The following MAGI2 variants were observed in gnomAD, a reference collection of about 807,000 sequenced individuals.
The protein encoded by MAGI2 is membrane associated guanylate kinase, WW and PDZ domain containing 2.
A neutral mutation model predicts 133.3 loss-of-function variants in MAGI2; 35 were observed. The ratio of observed to expected loss-of-function variants is 0.26; its 90% CI spans 0.20 to 0.35. The LOEUF (loss-of-function observed/expected upper bound fraction) is 0.35. Ranked by LOEUF, MAGI2 falls within the 10% of genes least tolerant of loss-of-function variation. MAGI2 has a pLI of 1.00. For synonymous variants in MAGI2, 729 were observed against 710.6 expected (o/e 1.03, Z -0.41); for missense variants, 1,636 against 1,863.4 (o/e 0.88, Z 2.25).
At position 78,677,365 on chromosome 7, in the gene MAGI2, CAT is replaced by C. The variant is rs555771441; in HGVS notation, c.419-50128_419-50127del. ...ATCTTTTTTCTCTATTTTATAGTAACATAATTTAGATTTACAGAAAACTTTTA... is the reference window on the plus strand; with the variant it reads ...ATCTTTTTTCTCTATTTTATAGTAACAATTTAGATTTACAGAAAACTTTTA... On this transcript the variant is annotated intron_variant, in intron 2 of 21. Transcript: ENST00000354212. 1.3e-3 allele frequency among the ~76,000 whole-genome samples: 196 copies of C among 151,344 alleles called. 2 individuals are homozygous for C. The highest frequency in any genetic ancestry group is 4.5e-3 in the African/African-American group (186 of 41,392).
rs559636451 is a variant in MAGI2 at position 79,237,599 on chromosome 7, C to T, written c.301+215421G>A. 2.0e-5 allele frequency among the ~76,000 whole-genome samples: 3 copies of T among 152,294 alleles called. No homozygotes were observed. The East Asian group carries it at 5.8e-4, about 29-fold the overall frequency. On this transcript the variant is annotated intron_variant, in intron 1 of 21. Coordinates refer to ENST00000354212, the MANE Select transcript of MAGI2 (RefSeq NM_012301.4). ...TATTAATCTCTTTCTCTCTAGGTAT[C>T]TCCCTGTCTCCCGGTCTCTCTCCAT...
chr7:78,803,117 C>A (rs962689955), intron 2 of MAGI2, among the ~76,000 whole-genome samples: 5 of 152,026 alleles, frequency 3.3e-5, no homozygotes, highest in African/African-American at 1.2e-4. Context: ...AGATAATCTT[C>A]AATTTACATG....
intron 2 of MAGI2, among the ~76,000 whole-genome samples, chr7:78,889,081 T>C (rs1796512984): frequency 6.6e-6 from 1 of 152,104 alleles, no homozygotes. Flanking sequence ...ACATGACGAA[T>C]GCACTAGCCT....
At chr7:78,795,547 C>T (rs1411677132) in intron 2 of MAGI2, among the ~76,000 whole-genome samples, 1 of 151,884 alleles carries the variant, frequency 6.6e-6, no homozygotes, top group Non-Finnish European at 1.5e-5. Flanking sequence ...GTCGAGAGGA[C>T]ACACAAAAAA....
chr7:78,338,862 C>T (rs114935598), intron 9 of MAGI2, among the ~76,000 whole-genome samples: 12 of 152,140 alleles, frequency 7.9e-5, no homozygotes, highest in East Asian at 1.9e-4. Context: ...GTTGCTTAGC[C>T]GGGTGTGATG....
chr7:79,305,993 T>A (rs1188008047), intron 1 of MAGI2, among the ~76,000 whole-genome samples: 1 of 151,106 alleles, frequency 6.6e-6, no homozygotes, highest in African/African-American at 2.4e-5. Context: ...TAGTATCTTT[T>A]TTTTTTTTTT....
intron 1 of MAGI2, among the ~76,000 whole-genome samples, chr7:79,107,863 T>C (rs1366359067): frequency 1.3e-5 from 2 of 152,226 alleles, no homozygotes; most frequent in African/African-American, 2.4e-5. Flanking sequence ...TTAGTTATTA[T>C]ATTCTATTAT....
intron 21 of MAGI2, among the ~76,000 whole-genome samples, chr7:78,060,337 A>G (rs540771854): frequency 6.7e-6 from 1 of 149,944 alleles, no homozygotes; most frequent in Admixed American, 6.6e-5. Context: ...AAAAACCTGC[A>G]TTGAAATTTG....
At chr7:78,649,143 T>A (rs1248752304) in intron 2 of MAGI2, among the ~76,000 whole-genome samples, 1 of 145,748 alleles carries the variant, frequency 6.9e-6, no homozygotes, top group Non-Finnish European at 1.5e-5. Context: ...GGCACTTTTT[T>A]ATTTCCCACA....
intron 6 of MAGI2, among the ~76,000 whole-genome samples, chr7:78,391,158 G>A (rs565921250): frequency 1.3e-5 from 2 of 152,136 alleles, no homozygotes; most frequent in Admixed American, 6.5e-5. Context: ...TCTCCACATC[G>A]CTCTTCAGTC....
intron 8 of MAGI2, among the ~76,000 whole-genome samples, chr7:78,345,216 A>C (rs1049021901): frequency 1.3e-5 from 2 of 152,202 alleles, no homozygotes; most frequent in African/African-American, 4.8e-5. Context: ...TATCAAATTA[A>C]TGTTTATAGT....
At position 78,498,818 on chromosome 7, in the gene MAGI2, C is replaced by A. The variant is rs190886610; in HGVS notation, c.965+2759G>T. On this transcript the variant is annotated intron_variant, in intron 5 of 21. Transcript: ENST00000354212. ...CAGTCTATGGAGGAACCTTAGCAGG[C>A]GTCGTAGACTACCTCGATCCTGCCT... Among the ~76,000 whole-genome samples the A allele has an allele frequency of 3.4e-4, 52 of 152,092 alleles. 2 individuals are homozygous for A.
chr7:78,617,648 C>A (rs560995382), intron 3 of MAGI2: 3 of 152,122 alleles, frequency 2.0e-5, no homozygotes, highest in African/African-American at 4.8e-5. Context: ...ACAAATATTA[C>A]TTTATAAATT....
In MAGI2 at chr7:78,022,681, A is replaced by G. The variant is rs1808514929; in HGVS notation, c.3707-2705T>C. Among the ~76,000 whole-genome samples the G allele has an allele frequency of 2.6e-5, 4 of 152,214 alleles. No homozygotes were observed. In the South Asian group the frequency reaches 6.2e-4, roughly 24 times the overall value. ...AGCATTTATTTCTGAACATCTTACT[A>G]CATATCTGGCATTGAACTGGAGAGT... On this transcript the variant is annotated intron_variant, in intron 21 of 21. Coordinates refer to ENST00000354212, the MANE Select transcript of MAGI2 (RefSeq NM_012301.4).
rs150406566 is a variant in MAGI2 at position 78,533,883 on chromosome 7, T to C, written c.539-12238A>G. Reference sequence around the variant, plus strand: ...GAGTCAACCCAAGGATCCAGGACAATAGACATTTGATAGGCAAGAAACTCA... The same window carrying C: ...GAGTCAACCCAAGGATCCAGGACAACAGACATTTGATAGGCAAGAAACTCA... On this transcript the variant is annotated intron_variant, in intron 3 of 21. Transcript: ENST00000354212. Among the ~76,000 whole-genome samples the C allele has an allele frequency of 2.0e-5, 3 of 152,044 alleles. No homozygotes were observed. The East Asian group carries it at 5.8e-4, about 29-fold the overall frequency.
At chr7:79,348,484 T>C (rs545816460) in intron 1 of MAGI2, among the ~76,000 whole-genome samples, 2 of 152,078 alleles carry the variant, frequency 1.3e-5, no homozygotes, top group African/African-American at 4.8e-5. Context: ...ACAAAGAATA[T>C]AACTAGTCAT....
At position 78,190,132 on chromosome 7, in the gene MAGI2, A is replaced by G. The variant is rs142205367; in HGVS notation, c.2270-4462T>C. Among the ~76,000 whole-genome samples the G allele has an allele frequency of 1.6e-4, 25 of 152,342 alleles. No individual in the cohort carries two copies. In the East Asian group the frequency reaches 3.7e-3, roughly 22 times the overall value. On this transcript the variant is annotated intron_variant, in intron 12 of 21. Transcript: ENST00000354212. ...ATATTAAGAAAGAAGACTCCATGGC[A>G]TAGTACTTAAATGTGGGAAACCTTA...
intron 2 of MAGI2, among the ~76,000 whole-genome samples, chr7:78,984,430 C>A (rs1205144244): frequency 6.6e-6 from 1 of 151,920 alleles, no homozygotes; most frequent in African/African-American, 2.4e-5. Context: ...CTCCCTCACC[C>A]TTCCTTTAAC....
intron 16 of MAGI2, among the ~76,000 whole-genome samples, chr7:78,140,299 T>C (rs1437676452): frequency 6.6e-6 from 1 of 152,228 alleles, no homozygotes; most frequent in East Asian, 1.9e-4. Context: ...TCCTCATTAT[T>C]TGTCTTGCTA....
Sources: gnomAD v4.1 joint callset for allele counts (sites outside exome capture counted in the v4.1 genomes callset) on GRCh38, gnomAD v4.1.1 for gene constraint, MANE v1.5 for transcripts, NCBI Gene and HGNC (gene_info 2026-07-23, HGNC 2026-07-21) for gene names.